MYO5B: variants seen among roughly 807,000 people sequenced by gnomAD.
MYO5B encodes myosin VB.
MYO5B carries 143 observed loss-of-function variants against 229.3 expected under a neutral mutation model. The ratio of observed to expected loss-of-function variants is 0.62; its 90% CI spans 0.54 to 0.72. The LOEUF is 0.72. MYO5B is among the 30% of genes least tolerant of loss of function. The pLI, the probability that MYO5B is intolerant of heterozygous loss-of-function variation, is 0.00. For missense variants in MYO5B, 2,321 were observed against 2,331.0 expected, an observed-to-expected ratio of 1.00 and a Z score of 0.09; for synonymous variants, 918 against 885.2, an observed-to-expected ratio of 1.04 and a Z score of -0.66.
chr18:50,087,094 C>A (rs955856328), intron 1 of MYO5B, among the ~76,000 whole-genome samples: 1 of 152,172 alleles, frequency 6.6e-6, no homozygotes, highest in Non-Finnish European at 1.5e-5. Flanking sequence ...CTCCTCAATA[C>A]CAGAACATGC....
At position 50,036,987 on chromosome 18, in the gene MYO5B, T is replaced by C. The variant is rs2026455383; in HGVS notation, c.318A>G (p.Val106=). 1 of 1,614,132 alleles carries C rather than the reference T, an allele frequency of 6.2e-7. No homozygotes were observed. The highest frequency in any genetic ancestry group is 1.6e-4 in the Middle Eastern group (1 of 6,062). The part of the protein sequence containing the change: ...SNHIYTYCGI[V]LVAINPYEQL... ...GTTCATAAGGATTAATGGCAACAAG[T>C]ACGATACCTGCAAACAGACAAGGTG... Residue 106 remains valine (V), a synonymous_variant, in exon 4 of 40, where the codon GTA becomes GTG. Coordinates refer to ENST00000285039, the MANE Select transcript of MYO5B (RefSeq NM_001080467.3).
Position 50,055,883 on chromosome 18 carries a change from T to C in MYO5B, c.28-505A>G, listed in dbSNP as rs528374113. ...TCGGCAAATGGAAAGTGTATTTAAGTATCCTCAAGTTGTCAGCCACTTGAA... is the reference window on the plus strand; with the variant it reads ...TCGGCAAATGGAAAGTGTATTTAAGCATCCTCAAGTTGTCAGCCACTTGAA... On this transcript the variant is annotated intron_variant, in intron 1 of 39. Transcript: ENST00000285039. Among the ~76,000 whole-genome samples the C allele has an allele frequency of 3.9e-5, 6 of 152,342 alleles. No homozygotes were observed. In the South Asian group the frequency reaches 1.2e-3, roughly 32 times the overall value.
At chr18:50,005,751 C>T (rs530737984) in intron 4 of MYO5B, among the ~76,000 whole-genome samples, 1 of 152,202 alleles carries the variant, frequency 6.6e-6, no homozygotes, top group East Asian at 1.9e-4. Context: ...AAGGTTCAAC[C>T]CAACAGGACT....
intron 5 of MYO5B, among the ~76,000 whole-genome samples, chr18:49,997,860 C>T (rs891224392): frequency 4.6e-5 from 7 of 152,116 alleles, no homozygotes; most frequent in South Asian, 2.1e-4. Flanking sequence ...AATGAGACAA[C>T]GCCGTGACCA....
intron 2 of MYO5B, among the ~76,000 whole-genome samples, chr18:50,053,116 T>C (rs1477090050): frequency 6.6e-6 from 1 of 152,178 alleles, no homozygotes; most frequent in African/African-American, 2.4e-5. Context: ...TGCTCCTGCC[T>C]CTAGTCCACA....
chr18:50,194,790 A>G lies in MYO5B; in HGVS notation c.4T>C (p.Ser2Pro). The G allele has an allele frequency of 7.0e-7, 1 of 1,438,216 alleles. No homozygotes were observed. The highest frequency in any genetic ancestry group is 9.1e-7 in the Non-Finnish European group (1 of 1,098,296). 89.1% of individuals were successfully genotyped at this position (1,438,216 alleles called of 1,614,324 possible). The change falls in exon 1 of 40, where the codon TCG becomes CCG. Residue 2 changes from serine to proline, a missense_variant. By Grantham distance (74) the Ser-to-Pro change is moderately conservative (BLOSUM62 -1). Around this residue, in one of 2 missense-constraint regions of MYO5B, gnomAD observed 2,113 missense variants for 2,044.7 expected, o/e 1.03. Coordinates refer to ENST00000285039, the MANE Select transcript of MYO5B (RefSeq NM_001080467.3). ...ACCTGGCTGTAGAGCTCGCCCACCGACATGGCCCGGGCCGGGCGGGGCTCG... is the reference window on the plus strand; with the variant it reads ...ACCTGGCTGTAGAGCTCGCCCACCGGCATGGCCCGGGCCGGGCGGGGCTCG... The part of the protein sequence containing the change: M[S>P]VGELYSQCTR...
At chr18:49,903,928 G>T (rs2024871151) in intron 20 of MYO5B, among the ~76,000 whole-genome samples, 1 of 152,230 alleles carries the variant, frequency 6.6e-6, no homozygotes, top group Non-Finnish European at 1.5e-5. Context: ...TCAAGCTCCT[G>T]ATCCGTTAAG....
At chr18:50,104,477 A>G (rs1455896515) in intron 1 of MYO5B, among the ~76,000 whole-genome samples, 1 of 151,444 alleles carries the variant, frequency 6.6e-6, no homozygotes, top group African/African-American at 2.4e-5. Flanking sequence ...AATGACTAGT[A>G]TTTTAGTTTA....
intron 4 of MYO5B, among the ~76,000 whole-genome samples, chr18:50,024,822 G>A (rs186831418): frequency 7.3e-4 from 111 of 152,292 alleles, no homozygotes; most frequent in African/African-American, 2.4e-3. Context: ...ACAAAGACCA[G>A]GTAGACTAGC....
At chr18:50,089,639 G>A (rs938145385) in intron 1 of MYO5B, among the ~76,000 whole-genome samples, 5 of 151,734 alleles carry the variant, frequency 3.3e-5, no homozygotes, top group South Asian at 2.1e-4. Context: ...TCCCAGTGTC[G>A]TAGGAGTTAT....
At chr18:50,085,628 C>T (rs1490874277) in intron 1 of MYO5B, among the ~76,000 whole-genome samples, 13 of 152,216 alleles carry the variant, frequency 8.5e-5, no homozygotes, top group South Asian at 2.1e-4. Flanking sequence ...ATGTTTTTTG[C>T]GGCACTATTC....
chr18:49,897,486 T>C, intron 21 of MYO5B, among the ~76,000 whole-genome samples: 1 of 152,352 alleles, frequency 6.6e-6, no homozygotes, highest in Admixed American at 6.5e-5. Context: ...AGTAGGTGTG[T>C]ATATGTATGG....
rs1177882829 is a variant in MYO5B at position 49,823,762 on chromosome 18, A to G, written c.*2709T>C. 1.3e-5 allele frequency: 2 copies of G among 152,342 alleles called. No homozygotes were observed. Among genetic ancestry groups the G allele is most frequent in the Non-Finnish European group, 2.9e-5 (2 of 68,034 alleles). The allele number at this position is 152,342 out of a possible 1,614,324, so 9.4% of individuals were successfully genotyped here. ...ATGAGGGCACAGGGAAAATGCATGT[A>G]TGTAATATGCTTGTCAGCTTCAGCA... On this transcript the variant is annotated 3_prime_UTR_variant, in exon 40 of 40. Transcript: ENST00000285039.
intron 1 of MYO5B, among the ~76,000 whole-genome samples, chr18:50,097,788 T>A (rs1208104059): frequency 3.3e-5 from 5 of 152,134 alleles, no homozygotes; most frequent in Admixed American, 3.3e-4. Context: ...TGACTGCCCA[T>A]GAAGCAGCCG....
At chr18:50,164,306 T>C (rs2032812310) in intron 1 of MYO5B, among the ~76,000 whole-genome samples, 1 of 152,242 alleles carries the variant, frequency 6.6e-6, no homozygotes, top group Non-Finnish European at 1.5e-5. Flanking sequence ...TTGTTATGGG[T>C]GGCCTTCTCT....
intron 4 of MYO5B, among the ~76,000 whole-genome samples, chr18:50,034,768 A>G (rs1420984699): frequency 6.6e-6 from 1 of 152,108 alleles, no homozygotes; most frequent in Non-Finnish European, 1.5e-5. Context: ...ACAAAACAAA[A>G]AAACCAAAAA....
At chr18:50,189,680 A>G (rs9304394) in intron 1 of MYO5B, among the ~76,000 whole-genome samples, 16,002 of 152,168 alleles carry the variant, frequency 0.11, 944 homozygotes, top group African/African-American at 0.15. Context: ...TAACACTGTC[A>G]CCACTTTTTG....
chr18:49,952,115 T>TCC (rs2025436897), intron 14 of MYO5B, among the ~76,000 whole-genome samples: 1 of 152,180 alleles, frequency 6.6e-6, no homozygotes, highest in African/African-American at 2.4e-5. Context: ...ACTCAAATCC[T>TCC]CCCTAAACCC....
chr18:49,895,572 C>T (rs1224102614), intron 21 of MYO5B, among the ~76,000 whole-genome samples: 1 of 152,174 alleles, frequency 6.6e-6, no homozygotes, highest in Non-Finnish European at 1.5e-5. Context: ...TCATACAGAG[C>T]CCTCCTGCCT....
Sources: gnomAD v4.1 joint callset for allele counts (sites outside exome capture counted in the v4.1 genomes callset) on GRCh38, gnomAD v4.1.1 for gene constraint, gnomAD v4.1.1 regional missense constraint, MANE v1.5 for transcripts, NCBI Gene and HGNC (gene_info 2026-07-23, HGNC 2026-07-21) for gene names.